TRMT10B: variants seen among roughly 807,000 people sequenced by gnomAD.
TRMT10B encodes tRNA methyltransferase 10B.
TRMT10B carries 33 observed loss-of-function variants against 43.8 expected under a neutral mutation model. The observed-to-expected ratio is 0.75, with a 90% confidence interval of 0.57 to 1.01. The LOEUF is 1.01. Among genes scored for constraint, TRMT10B ranks in the 50% least tolerant of loss-of-function variants. The probability of loss-of-function intolerance (pLI) is 0.00; values close to 1 mark genes in which losing one functional copy is unlikely to be tolerated. For synonymous variants in TRMT10B, 137 were observed against 130.6 expected (o/e 1.05, Z -0.34); for missense variants, 362 against 369.8 (o/e 0.98, Z 0.17).
At position 37,762,671 on chromosome 9, in the gene TRMT10B, G is replaced by A. The variant is rs571990683; in HGVS notation, c.281G>A (p.Arg94His). 9 of 1,584,538 alleles carry A rather than the reference G, an allele frequency of 5.7e-6. No individual in the cohort carries two copies. Among genetic ancestry groups the A allele is most frequent in the Admixed American group, 1.8e-5 (1 of 55,620 alleles). ...KQEKERRKAN[R>H]AENPGICPQH... is the part of the protein sequence containing the mutation. The stretch of plus-strand genomic sequence containing the variant: ...GAAAAAGAACGAAGAAAAGCCAATC[G>A]TGCAGAAAATCCAGGTGACAATAAA... Residue 94 changes from arginine (R) to histidine (H), a missense_variant, in exon 3 of 9, where the codon CGT becomes CAT. Transcript: ENST00000297994.
intron 3 of TRMT10B, 24 bp downstream of exon 3, chr9:37,762,709 TATA>T (rs780221891): frequency 4.8e-5 from 74 of 1,541,766 alleles, no homozygotes; most frequent in African/African-American, 3.6e-4. Context: ...AGACTGTTGG[TATA>T]ATAATATTTA....
At chr9:37,771,624 G>A (rs906136950) in intron 7 of TRMT10B, among the ~76,000 whole-genome samples, 3 of 152,168 alleles carry the variant, frequency 2.0e-5, no homozygotes, top group Admixed American at 1.3e-4. Flanking sequence ...AATAAGGAAT[G>A]CATAATAGAA....
intron 4 of TRMT10B, among the ~76,000 whole-genome samples, chr9:37,766,103 T>G (rs1300092662): frequency 6.6e-6 from 1 of 152,236 alleles, no homozygotes; most frequent in African/African-American, 2.4e-5. Context: ...TTTGTCAATT[T>G]TGGCTTTTGT....
chr9:37,760,671 G>C (rs774573312), intron 1 of TRMT10B, among the ~76,000 whole-genome samples: 33 of 147,474 alleles, frequency 2.2e-4, no homozygotes, highest in Non-Finnish European at 4.2e-4. Context: ...AAAAGAACTG[G>C]TTAACAAGGG....
intron 8 of TRMT10B, among the ~76,000 whole-genome samples, chr9:37,777,113 G>T (rs1305803604): frequency 7.7e-6 from 1 of 130,176 alleles, no homozygotes; most frequent in East Asian, 2.5e-4. Context: ...AGAATTGCTT[G>T]AATCTGGGAG....
intron 1 of TRMT10B, among the ~76,000 whole-genome samples, chr9:37,759,700 C>T (rs1201446180): frequency 1.3e-5 from 2 of 152,016 alleles, no homozygotes; most frequent in Admixed American, 6.6e-5. Flanking sequence ...GCCTGTAGTC[C>T]CAGAAACTTA....
intron 7 of TRMT10B, among the ~76,000 whole-genome samples, chr9:37,772,880 G>A (rs1827734918): frequency 6.6e-6 from 1 of 152,298 alleles, no homozygotes; most frequent in African/African-American, 2.4e-5. Context: ...TGCAGTATGT[G>A]AGCCTTGTTT....
chr9:37,767,959 C>A (rs911822484), intron 4 of TRMT10B, 117 bp from the exon 5 acceptor site: 1 of 1,063,200 alleles, frequency 9.4e-7, no homozygotes, highest in Non-Finnish European at 1.4e-6. Context: ...ACATGTACTC[C>A]TAGTACATGG....
Position 37,762,019 on chromosome 9 carries a change from G to T in TRMT10B, c.88G>T (p.Asp30Tyr). 6.2e-7 allele frequency: 1 copy of T among 1,614,160 alleles called. No individual in the cohort carries two copies. The highest frequency in any genetic ancestry group is 8.5e-7 in the Non-Finnish European group (1 of 1,180,034). ...AGGCATCCTAGAGGAGACAGGTGAA[G>T]ATGGACTTCCTGAAGGCTTCCAGCT... ...QEGILEETGE[D>Y]GLPEGFQLLQ... The change falls in exon 2 of 9, where the codon GAT (aspartate) becomes TAT (tyrosine). Residue 30 changes from aspartate to tyrosine, a missense_variant. Asp to Tyr is a radical substitution (Grantham distance 160, BLOSUM62 -3). Transcript: ENST00000297994.
At chr9:37,757,694 T>C (rs1226850964) in intron 1 of TRMT10B, among the ~76,000 whole-genome samples, 3 of 149,934 alleles carry the variant, frequency 2.0e-5, no homozygotes, top group African/African-American at 4.9e-5. Flanking sequence ...AGAACAACAC[T>C]GAAGGGGTTT....
At chr9:37,774,000 A>C (rs868108118) in intron 7 of TRMT10B, among the ~76,000 whole-genome samples, 2 of 151,116 alleles carry the variant, frequency 1.3e-5, no homozygotes, top group African/African-American at 4.9e-5. Flanking sequence ...TTAAAAGTTT[A>C]TTAGTCTTAC....
At chr9:37,755,789 A>G (rs947457731) in intron 1 of TRMT10B, among the ~76,000 whole-genome samples, 1 of 151,940 alleles carries the variant, frequency 6.6e-6, no homozygotes, top group Admixed American at 6.6e-5. Context: ...AAAAGAAAGG[A>G]AGGGAGTGGG....
upstream of TRMT10B, among the ~76,000 whole-genome samples, chr9:37,753,229 G>A (rs114399798): frequency 7.5e-3 from 1,143 of 152,318 alleles, 14 homozygotes; most frequent in African/African-American, 0.025. Context: ...GCGATGGTCC[G>A]CGGTTTCATT....
rs1448660212 is a variant in TRMT10B, at chr9:37,769,618, G to GGT, written c.574-323_574-322insGT. ...AACTAGTCGTTGAATTTTGAGCGGG[G>GGT]TTTTTTTTTTTTTTTTAAAGACAGG... On this transcript the variant is annotated intron_variant, in intron 5 of 8. Transcript: ENST00000297994. 8 of 178,322 alleles carry GGT rather than the reference G, an allele frequency of 4.5e-5. No homozygotes were observed. In the East Asian group the frequency reaches 7.7e-4, roughly 17 times the overall value. 11.0% of individuals were successfully genotyped at this position (178,322 alleles called of 1,614,324 possible).
rs764300083 is a variant in TRMT10B at position 37,762,067 on chromosome 9, G to A, written c.136G>A (p.Glu46Lys). The A allele has an allele frequency of 4.7e-5, 76 of 1,613,970 alleles. No individual in the cohort carries two copies. Among genetic ancestry groups the A allele is most frequent in the Admixed American group, 8.3e-5 (5 of 59,990 alleles). ...GCTTCTGCAGATCGATGCGGAAGGC[G>A]AGTGCCAGGAGGGAGAGATCCTGGC... ...FQLLQIDAEG[E>K]CQEGEILATG... Residue 46 changes from glutamate (E) to lysine (K), a missense_variant, in exon 2 of 9, where the codon GAG (glutamate) becomes AAG (lysine). Physicochemically the swap from Glu to Lys is moderately conservative, Grantham distance 56. Coordinates refer to ENST00000297994, the MANE Select transcript of TRMT10B (RefSeq NM_144964.4).
intron 5 of TRMT10B, among the ~76,000 whole-genome samples, chr9:37,768,500 C>T (rs1827222644): frequency 6.6e-6 from 1 of 152,172 alleles, no homozygotes; most frequent in Non-Finnish European, 1.5e-5. Flanking sequence ...AATGCCATGA[C>T]TCCTTTCTTG....
chr9:37,760,287 A>C (rs915520829), intron 1 of TRMT10B, among the ~76,000 whole-genome samples: 3 of 152,232 alleles, frequency 2.0e-5, no homozygotes, highest in Non-Finnish European at 1.5e-5. Context: ...GCAACGCTGC[A>C]CTCCAGCCTG....
At chr9:37,764,858 CAT>C (rs1054929973) in intron 4 of TRMT10B, among the ~76,000 whole-genome samples, 2 of 152,150 alleles carry the variant, frequency 1.3e-5, no homozygotes, top group South Asian at 2.1e-4. Flanking sequence ...TCATGAGTCT[CAT>C]ATACTTACAG....
At chr9:37,771,304 A>G (rs1827551650) in intron 7 of TRMT10B, among the ~76,000 whole-genome samples, 1 of 152,268 alleles carries the variant, frequency 6.6e-6, no homozygotes, top group Non-Finnish European at 1.5e-5. Flanking sequence ...TAAATATAAA[A>G]GAGTAGAATG....
Sources: allele counts gnomAD v4.1 joint callset (sites outside exome capture counted in the v4.1 genomes callset), GRCh38; gene constraint gnomAD v4.1.1; transcripts MANE v1.5; gene names NCBI Gene and HGNC (gene_info 2026-07-23, HGNC 2026-07-21).